Variants in DCDC1 observed in about 807,000 individuals in gnomAD.
DCDC1 encodes the protein doublecortin domain containing 1, also known as doublecortin domain-containing protein 1.
Under a neutral mutation model 178.3 loss-of-function variants are expected in DCDC1, and 200 were observed. That is an observed-to-expected ratio of 1.12 (90% CI 1.00 to 1.26). DCDC1 has a LOEUF of 1.26. Ranked by LOEUF, DCDC1 falls within the 50% of genes most tolerant of loss-of-function variation. The pLI is 0.00. For missense variants in DCDC1, 1,983 were observed against 1,749.2 expected, an observed-to-expected ratio of 1.13 and a Z score of -2.38; for synonymous variants, 690 against 604.8, an observed-to-expected ratio of 1.14 and a Z score of -2.07.
At chr11:30,988,101 A>T (rs1029044448) in intron 20 of DCDC1, among the ~76,000 whole-genome samples, 1 of 152,162 alleles carries the variant, frequency 6.6e-6, no homozygotes, top group African/African-American at 2.4e-5. Flanking sequence ...TTCTAAACAT[A>T]ATGAAGAGTA....
intron 3 of DCDC1, among the ~76,000 whole-genome samples, chr11:31,321,756 A>G (rs1392441141): frequency 6.6e-6 from 1 of 152,208 alleles, no homozygotes; most frequent in Non-Finnish European, 1.5e-5. Context: ...CAAAAAATAA[A>G]TATTTAATAA....
intron 20 of DCDC1, among the ~76,000 whole-genome samples, chr11:31,063,126 A>G (rs1219928077): frequency 6.6e-6 from 1 of 152,068 alleles, no homozygotes; most frequent in African/African-American, 2.4e-5. Context: ...GCCATCAGAG[A>G]AATGCAAATC....
intron 9 of DCDC1, among the ~76,000 whole-genome samples, chr11:31,186,137 C>A (rs1218751899): frequency 6.6e-6 from 1 of 152,090 alleles, no homozygotes; most frequent in Non-Finnish European, 1.5e-5. Flanking sequence ...ACTACACTTA[C>A]AATAAAATCC....
At chr11:30,974,429 C>A (rs1306763657) in intron 20 of DCDC1, among the ~76,000 whole-genome samples, 1 of 151,498 alleles carries the variant, frequency 6.6e-6, no homozygotes, top group Admixed American at 6.6e-5. Context: ...GAAGGATCGA[C>A]AAAAAGTTGG....
At chr11:31,178,028 T>C (rs1319637223) in intron 9 of DCDC1, among the ~76,000 whole-genome samples, 1 of 152,088 alleles carries the variant, frequency 6.6e-6, no homozygotes, top group African/African-American at 2.4e-5. Flanking sequence ...AGAGACGAAA[T>C]GGACCAAACA....
At chr11:31,193,130 T>C (rs912574636) in intron 9 of DCDC1, among the ~76,000 whole-genome samples, 9 of 152,030 alleles carry the variant, frequency 5.9e-5, no homozygotes, top group Admixed American at 3.3e-4. Flanking sequence ...TCAGACTGAA[T>C]TACATCACTG....
chr11:31,339,270 G>C (rs1033215564), intron 1 of DCDC1, among the ~76,000 whole-genome samples: 6 of 152,178 alleles, frequency 3.9e-5, no homozygotes, highest in Non-Finnish European at 1.5e-5. Flanking sequence ...TTATGAGGCA[G>C]AGCCTTTAGG....
At chr11:31,305,075 T>C (rs922921657) in intron 6 of DCDC1, among the ~76,000 whole-genome samples, 1 of 152,182 alleles carries the variant, frequency 6.6e-6, no homozygotes, top group African/African-American at 2.4e-5. Context: ...GATTATATTA[T>C]ACATTTTAAG....
At chr11:31,091,035 C>G (rs1318164386) in intron 17 of DCDC1, among the ~76,000 whole-genome samples, 1 of 151,956 alleles carries the variant, frequency 6.6e-6, no homozygotes, top group Non-Finnish European at 1.5e-5. Flanking sequence ...GTTTTGTATT[C>G]AGAAGATGGA....
At chr11:31,121,511 T>C (rs2135890976) in intron 11 of DCDC1, among the ~76,000 whole-genome samples, 1 of 150,194 alleles carries the variant, frequency 6.7e-6, no homozygotes, top group South Asian at 2.2e-4. Flanking sequence ...AGAAATAGTG[T>C]CCTTTTAAGA....
At chr11:30,988,258 G>A (rs938828137) in intron 20 of DCDC1, among the ~76,000 whole-genome samples, 3 of 152,150 alleles carry the variant, frequency 2.0e-5, no homozygotes, top group Non-Finnish European at 4.4e-5. Context: ...GTGCCTGAGA[G>A]TACAGTTTAG....
rs867262613 is a variant in DCDC1 at position 30,933,687 on chromosome 11, C to G, written c.2716-1735G>C. Among the ~76,000 whole-genome samples the G allele has an allele frequency of 1.4e-4, 21 of 152,274 alleles. 1 individual carries two copies. The Middle Eastern group carries it at 0.01, about 74-fold the overall frequency. ...TCATGAAATGAATTGGAAAGTATTG[C>G]TTCTTGTGAGAAACACACTCACGCA... On this transcript the variant is annotated intron_variant, in intron 21 of 38. Coordinates refer to ENST00000684477, the MANE Select transcript of DCDC1 (RefSeq NM_001387274.1).
intron 20 of DCDC1, among the ~76,000 whole-genome samples, chr11:30,999,269 T>C (rs1951439570): frequency 6.6e-6 from 1 of 152,188 alleles, no homozygotes; most frequent in South Asian, 2.1e-4. Context: ...AATACTATTG[T>C]ACCAACTCTG....
At chr11:31,064,424 T>C (rs1483387757) in intron 20 of DCDC1, 45 bp downstream of exon 20, 4 of 676,860 alleles carry the variant, frequency 5.9e-6, no homozygotes, top group African/African-American at 1.8e-5. Context: ...AAGGAAAATA[T>C]CGAATGTCAT....
At chr11:30,943,059 C>T (rs1474165283) in intron 21 of DCDC1, 1 of 152,050 alleles carries the variant, frequency 6.6e-6, no homozygotes, top group Non-Finnish European at 1.5e-5. Context: ...CCTCCATTTT[C>T]TCAGTTGGAA....
Position 31,322,516 on chromosome 11 carries a change from T to C in DCDC1, c.164+5601A>G, listed in dbSNP as rs967290060. Among the ~76,000 whole-genome samples, 21 of 152,210 alleles carry C rather than the reference T, an allele frequency of 1.4e-4. 1 individual carries two copies. Among genetic ancestry groups the C allele is most frequent in the African/African-American group, 3.9e-4 (16 of 41,452 alleles). The stretch of plus-strand genomic sequence containing the variant: ...CTTGACCCTGGCAGGTTAAGTAATC[T>C]GCTTGTGATCTAATTTTGGCCAATG... On this transcript the variant is annotated intron_variant, in intron 3 of 38. Transcript: ENST00000684477.
At chr11:31,041,102 T>C (rs539495457) in intron 20 of DCDC1, among the ~76,000 whole-genome samples, 41 of 152,322 alleles carry the variant, frequency 2.7e-4, no homozygotes, top group African/African-American at 8.7e-4. Context: ...ACAATACTTC[T>C]TGAGTTTGTG....
intron 20 of DCDC1, among the ~76,000 whole-genome samples, chr11:30,993,557 A>C (rs1479251504): frequency 6.6e-6 from 1 of 152,150 alleles, no homozygotes; most frequent in African/African-American, 2.4e-5. Context: ...AAAATTGATA[A>C]ACCTCTAGCT....
chr11:31,074,511 T>C (rs1031473394), intron 18 of DCDC1, among the ~76,000 whole-genome samples: 1 of 152,110 alleles, frequency 6.6e-6, no homozygotes, highest in African/African-American at 2.4e-5. Flanking sequence ...CCTTCTACCA[T>C]GTGAGAATAC....
Sources: allele counts gnomAD v4.1 joint callset (sites outside exome capture counted in the v4.1 genomes callset), GRCh38; gene constraint gnomAD v4.1.1; transcripts MANE v1.5; gene names NCBI Gene and HGNC (gene_info 2026-07-23, HGNC 2026-07-21).